Variants in ZFHX4 observed in about 807,000 individuals in gnomAD.
The protein encoded by ZFHX4 is zinc finger homeobox 4.
ZFHX4 carries 56 observed loss-of-function variants against 267.6 expected under a neutral mutation model. That is an observed-to-expected ratio of 0.21 (90% CI 0.17 to 0.26). The LOEUF (loss-of-function observed/expected upper bound fraction) is 0.26. Ranked by LOEUF, ZFHX4 falls within the 10% of genes least tolerant of loss-of-function variation. ZFHX4 has a pLI of 1.00. For synonymous variants in ZFHX4, 1,778 were observed against 1,665.6 expected (o/e 1.07, Z -1.64); for missense variants, 4,332 against 4,420.0 (o/e 0.98, Z 0.56).
Position 76,707,597 on chromosome 8 carries a change from G to C in ZFHX4, c.2642G>C (p.Gly881Ala). 1 of 1,613,412 alleles carries C rather than the reference G, an allele frequency of 6.2e-7. No individual in the cohort carries two copies. The highest frequency in any genetic ancestry group is 8.5e-7 in the Non-Finnish European group (1 of 1,179,674). ...EIRLASGQLM[G>A]DDLSLLTAGE... ...CGGCTTGCCAGTGGTCAGCTAATGG[G>C]TGATGACCTGTCCCTCCTTACTGCA... Residue 881 changes from glycine (G) to alanine (A), a missense_variant, in exon 3 of 11, where the codon GGT becomes GCT. By Grantham distance (60) the Gly-to-Ala change is moderately conservative (BLOSUM62 0). Transcript: ENST00000651372.
chr8:76,788,426 T>C lies in ZFHX4; in HGVS notation c.3325+9987T>C, dbSNP rs76871608. Among the ~76,000 whole-genome samples, 1,062 of 152,338 alleles carry C rather than the reference T, an allele frequency of 7.0e-3. 5 individuals are homozygous for C. The highest frequency in any genetic ancestry group is 0.011 in the Non-Finnish European group (757 of 68,032). Reference sequence around the variant, plus strand: ...ACTTAGCATTCAGTTACATATTGAATTTTATTCTTGATTATTAATTTATTT... The same window carrying C: ...ACTTAGCATTCAGTTACATATTGAACTTTATTCTTGATTATTAATTTATTT... On this transcript the variant is annotated intron_variant, in intron 4 of 10. Transcript: ENST00000651372.
At chr8:76,788,037 A>G (rs2311737) in intron 4 of ZFHX4, among the ~76,000 whole-genome samples, 5,138 of 152,152 alleles carry the variant, frequency 0.034, 422 homozygotes, top group East Asian at 0.33. Context: ...TATAAATAAG[A>G]AAATTGAGAA....
At chr8:76,802,432 C>A (rs912440581) in intron 4 of ZFHX4, among the ~76,000 whole-genome samples, 1 of 152,142 alleles carries the variant, frequency 6.6e-6, no homozygotes, top group African/African-American at 2.4e-5. Context: ...GGCAAGAAAA[C>A]GCATATGTAC....
intron 3 of ZFHX4, among the ~76,000 whole-genome samples, chr8:76,726,068 T>A (rs1273804468): frequency 6.6e-6 from 1 of 152,108 alleles, no homozygotes; most frequent in Non-Finnish European, 1.5e-5. Context: ...AGCCTTTGAG[T>A]GTACCTTCAC....
At chr8:76,726,853 T>C (rs1808867001) in intron 3 of ZFHX4, among the ~76,000 whole-genome samples, 1 of 152,160 alleles carries the variant, frequency 6.6e-6, no homozygotes, top group Non-Finnish European at 1.5e-5. Context: ...TAATTGAAAG[T>C]GTAAGGACAG....
At chr8:76,719,982 AT>A (rs1808676797) in intron 3 of ZFHX4, among the ~76,000 whole-genome samples, 1 of 152,094 alleles carries the variant, frequency 6.6e-6, no homozygotes, top group Admixed American at 6.6e-5. Context: ...CCTCCACTTC[AT>A]TTTTTTATTT....
At chr8:76,786,226 T>A (rs796258153) in intron 4 of ZFHX4, among the ~76,000 whole-genome samples, 4 of 151,718 alleles carry the variant, frequency 2.6e-5, no homozygotes, top group African/African-American at 9.7e-5. Context: ...ACAGAACTTT[T>A]AAAAAAAAGC....
At chr8:76,842,205 G>A (rs1394588510) in intron 5 of ZFHX4, among the ~76,000 whole-genome samples, 1 of 152,102 alleles carries the variant, frequency 6.6e-6, no homozygotes, top group East Asian at 1.9e-4. Flanking sequence ...GGGTCTGAAA[G>A]CTGGAGTAAC....
chr8:76,715,481 TAAAAAAA>T (rs764567552), intron 3 of ZFHX4, among the ~76,000 whole-genome samples: 8 of 62,318 alleles, frequency 1.3e-4, no homozygotes, highest in Non-Finnish European at 2.0e-4. Context: ...GACTCCATCT[TAAAAAAA>T]AAAAAAAAAA....
At chr8:76,792,747 A>G (rs1349335459) in intron 4 of ZFHX4, among the ~76,000 whole-genome samples, 1 of 152,220 alleles carries the variant, frequency 6.6e-6, no homozygotes. Flanking sequence ...GTTCTTAAGT[A>G]GAGAAACTAA....
intron 4 of ZFHX4, among the ~76,000 whole-genome samples, chr8:76,821,470 G>T (rs192424060): frequency 6.6e-6 from 1 of 151,548 alleles, no homozygotes; most frequent in Admixed American, 6.6e-5. Context: ...ATTCCTAGTC[G>T]GCCTAACTAC....
intron 4 of ZFHX4, among the ~76,000 whole-genome samples, chr8:76,814,745 T>C (rs1811462284): frequency 1.3e-5 from 2 of 152,292 alleles, no homozygotes; most frequent in Admixed American, 6.5e-5. Flanking sequence ...GCATCCTGCC[T>C]GCGTGGACAA....
intron 3 of ZFHX4, among the ~76,000 whole-genome samples, chr8:76,734,085 G>A (rs1320922297): frequency 6.6e-6 from 1 of 152,136 alleles, no homozygotes; most frequent in Non-Finnish European, 1.5e-5. Context: ...GGAGTACTTA[G>A]TTATCCCAGT....
At position 76,864,062 on chromosome 8, in the gene ZFHX4, C is replaced by T. The variant is rs761405090; in HGVS notation, c.10348C>T (p.Leu3450Phe). 8 of 1,613,878 alleles carry T rather than the reference C, an allele frequency of 5.0e-6. No individual in the cohort carries two copies. The East Asian group carries it at 1.8e-4, about 36-fold the overall frequency. ...LRVPVSKYQC[L>F]ACDVAISGNE... Reference sequence around the variant, plus strand: ...TGTCCCAGTCAGCAAATATCAGTGTCTTGCCTGTGATGTGGCTATCAGTGG... The same window carrying T: ...TGTCCCAGTCAGCAAATATCAGTGTTTTGCCTGTGATGTGGCTATCAGTGG... The change falls in exon 11 of 11, where the codon CTT becomes TTT. Residue 3450 changes from leucine (L) to phenylalanine (F), a missense_variant. By Grantham distance (22) the Leu-to-Phe change is conservative. Coordinates refer to ENST00000651372, the MANE Select transcript of ZFHX4 (RefSeq NM_024721.5).
chr8:76,763,811 T>C (rs1809981653), intron 3 of ZFHX4, among the ~76,000 whole-genome samples: 1 of 152,182 alleles, frequency 6.6e-6, no homozygotes, highest in South Asian at 2.1e-4. Context: ...TTAAAATGTA[T>C]ATCCAATTAC....
At chr8:76,858,657 T>C (rs949055431) in intron 10 of ZFHX4, among the ~76,000 whole-genome samples, 1 of 152,236 alleles carries the variant, frequency 6.6e-6, no homozygotes, top group African/African-American at 2.4e-5. Flanking sequence ...ACCAGCTCAG[T>C]AGAGCTGTGG....
chr8:76,852,795 T>A lies in ZFHX4; in HGVS notation c.5874T>A (p.Val1958=), dbSNP rs766026998. Residue 1958 remains valine, a synonymous_variant, in exon 10 of 11, where the codon GTT becomes GTA. Transcript: ENST00000651372. ...CGTCGKLFSN[V]LILKSHQEHV... is the part of the protein sequence containing the mutation. ...CATGTGGTAAATTGTTTTCCAATGTTCTTATTTTAAAGAGTCACCAAGAAC... is the reference window on the plus strand; with the variant it reads ...CATGTGGTAAATTGTTTTCCAATGTACTTATTTTAAAGAGTCACCAAGAAC... 10 of 1,613,518 alleles carry A rather than the reference T, an allele frequency of 6.2e-6. No homozygotes were observed. Among genetic ancestry groups the A allele is most frequent in the Non-Finnish European group, 8.5e-6 (10 of 1,179,754 alleles).
intron 3 of ZFHX4, among the ~76,000 whole-genome samples, chr8:76,769,722 T>A (rs186045110): frequency 1.7e-3 from 255 of 152,278 alleles, no homozygotes; most frequent in Middle Eastern, 6.8e-3. Flanking sequence ...GGTCACTTGA[T>A]TTCATTCACT....
In ZFHX4 at chr8:76,865,435, T is replaced by G. The variant is rs574514084; in HGVS notation, c.*870T>G. ...ATTTAATGCTATACTGTCAAGGTAC[T>G]TGCTTGTGTCTGAACTCTAGTGCAC... On this transcript the variant is annotated 3_prime_UTR_variant, in exon 11 of 11. Coordinates refer to ENST00000651372, the MANE Select transcript of ZFHX4 (RefSeq NM_024721.5). The G allele has an allele frequency of 2.0e-5, 3 of 152,728 alleles. No homozygotes were observed. Among genetic ancestry groups the G allele is most frequent in the Admixed American group, 6.5e-5 (1 of 15,280 alleles). The allele number at this position is 152,728 out of a possible 1,614,324, so 9.5% of individuals were successfully genotyped here. A position where few individuals can be genotyped will look rare whatever the true frequency, so the allele number is the denominator to read the frequency against.
Sources: allele counts gnomAD v4.1 joint callset (sites outside exome capture counted in the v4.1 genomes callset), GRCh38; gene constraint gnomAD v4.1.1; transcripts MANE v1.5; gene names NCBI Gene and HGNC (gene_info 2026-07-23, HGNC 2026-07-21).